DPYD: variants seen among roughly 807,000 people sequenced by gnomAD.
DPYD encodes the protein dihydropyrimidine dehydrogenase, also known as dihydropyrimidine dehydrogenase [NADP(+)].
Under a neutral mutation model 116.2 loss-of-function variants are expected in DPYD, and 109 were observed. That is an observed-to-expected ratio of 0.94 (90% confidence interval 0.80 to 1.10). The LOEUF is 1.10. Among genes scored for constraint, DPYD ranks in the 50% least tolerant of loss-of-function variants. The pLI is 0.00. For missense variants in DPYD, 1,302 were observed against 1,254.5 expected, an observed-to-expected ratio of 1.04 and a Z score of -0.57; for synonymous variants, 440 against 432.0, an observed-to-expected ratio of 1.02 and a Z score of -0.23.
Position 97,497,277 on chromosome 1 carries a change from A to T in DPYD, c.1740+18449T>A, listed in dbSNP as rs370120813. Among the ~76,000 whole-genome samples, 50 of 152,048 alleles carry T rather than the reference A, an allele frequency of 3.3e-4. 1 individual carries two copies. The East Asian group carries it at 7.0e-3, about 21-fold the overall frequency. ...TATTCATTTCTTTGAACTATATATA[A>T]ACAGTAAGAGACTACTCATTGAATA... is the stretch of plus-strand genomic sequence containing the variant. On this transcript the variant is annotated intron_variant, in intron 13 of 22. Transcript: ENST00000370192.
chr1:97,118,597 A>G (rs1358118216), intron 20 of DPYD, among the ~76,000 whole-genome samples: 2 of 152,218 alleles, frequency 1.3e-5, no homozygotes, highest in East Asian at 3.9e-4. Context: ...AGCAGTGCCC[A>G]TTGAAGAGTA....
At chr1:97,846,339 A>AAAT (rs1314823911) in intron 2 of DPYD, among the ~76,000 whole-genome samples, 6 of 152,240 alleles carry the variant, frequency 3.9e-5, no homozygotes, top group African/African-American at 1.4e-4. Context: ...GGAATCTAAT[A>AAAT]AATAAACTGT....
At chr1:97,149,119 G>GTAA in intron 20 of DPYD, among the ~76,000 whole-genome samples, 1 of 152,332 alleles carries the variant, frequency 6.6e-6, no homozygotes, top group Admixed American at 6.5e-5. Context: ...CTAAATGGAT[G>GTAA]TAATATGTGT....
At chr1:97,536,054 T>G (rs1380527638) in intron 12 of DPYD, among the ~76,000 whole-genome samples, 4 of 152,206 alleles carry the variant, frequency 2.6e-5, no homozygotes, top group African/African-American at 9.6e-5. Flanking sequence ...TCTATGACTG[T>G]AAGCAAATTT....
intron 2 of DPYD, among the ~76,000 whole-genome samples, chr1:97,848,134 A>G (rs1028566005): frequency 1.3e-5 from 2 of 152,238 alleles, no homozygotes; most frequent in East Asian, 1.9e-4. Flanking sequence ...GTCTCGCTCT[A>G]TCACCCAGGC....
At chr1:97,587,974 T>C (rs959399400) in intron 10 of DPYD, among the ~76,000 whole-genome samples, 1 of 152,102 alleles carries the variant, frequency 6.6e-6, no homozygotes, top group Non-Finnish European at 1.5e-5. Context: ...TGATCTATTA[T>C]GGGGTATGCT....
chr1:97,562,473 A>G (rs1017241991), intron 11 of DPYD, among the ~76,000 whole-genome samples: 1 of 152,192 alleles, frequency 6.6e-6, no homozygotes, highest in African/African-American at 2.4e-5. Flanking sequence ...AACACTTTAA[A>G]GAGCTTTAGA....
chr1:97,590,010 T>C (rs532587082), intron 10 of DPYD, among the ~76,000 whole-genome samples: 1 of 152,280 alleles, frequency 6.6e-6, no homozygotes, highest in Non-Finnish European at 1.5e-5. Flanking sequence ...GTGCTAGACC[T>C]AACCTTTCAA....
chr1:97,182,078 C>T (rs925773752), intron 20 of DPYD, among the ~76,000 whole-genome samples: 3 of 152,082 alleles, frequency 2.0e-5, no homozygotes, highest in Admixed American at 2.0e-4. Context: ...GTTTCAAGCA[C>T]TCTCTCTTCT....
At chr1:97,134,580 G>A (rs1381237125) in intron 20 of DPYD, among the ~76,000 whole-genome samples, 1 of 152,186 alleles carries the variant, frequency 6.6e-6, no homozygotes, top group Non-Finnish European at 1.5e-5. Flanking sequence ...GTTTGGGGAG[G>A]AAGAGGAGGA....
chr1:97,309,079 G>T (rs1667334771), intron 16 of DPYD, among the ~76,000 whole-genome samples: 1 of 151,734 alleles, frequency 6.6e-6, no homozygotes, highest in Non-Finnish European at 1.5e-5. Context: ...CTAGATTTAA[G>T]AAAAACCCAG....
At chr1:97,832,044 A>ATT (rs1417737572) in intron 2 of DPYD, among the ~76,000 whole-genome samples, 3 of 59,458 alleles carry the variant, frequency 5.0e-5, no homozygotes, top group Non-Finnish European at 1.1e-4. Flanking sequence ...TATATAATGT[A>ATT]TTGTGTGTGT....
At chr1:97,356,158 A>C (rs1670417648) in intron 16 of DPYD, among the ~76,000 whole-genome samples, 1 of 152,068 alleles carries the variant, frequency 6.6e-6, no homozygotes, top group Non-Finnish European at 1.5e-5. Context: ...TGTGGTTTTA[A>C]TTTGCATTTA....
rs116550855 is a variant in DPYD, at chr1:97,455,635, T to G, written c.1741-5412A>C. Among the ~76,000 whole-genome samples, 304 of 152,030 alleles carry G rather than the reference T, an allele frequency of 2.0e-3. 1 individual carries two copies. The highest frequency in any genetic ancestry group is 0.01 in the Middle Eastern group (3 of 292). Reference sequence around the variant, plus strand: ...ATCTAACATACTGATACCCTGTGAATAGCTAAAAGTGAAATAAAATTCAAG... The same window carrying G: ...ATCTAACATACTGATACCCTGTGAAGAGCTAAAAGTGAAATAAAATTCAAG... On this transcript the variant is annotated intron_variant, in intron 13 of 22. Transcript: ENST00000370192.
At chr1:97,770,884 CAAT>C (rs1285553969) in intron 3 of DPYD, among the ~76,000 whole-genome samples, 2 of 151,866 alleles carry the variant, frequency 1.3e-5, no homozygotes, top group South Asian at 2.1e-4. Context: ...CTAAAACAGA[CAAT>C]AATATCATAA....
intron 16 of DPYD, among the ~76,000 whole-genome samples, chr1:97,309,302 T>G (rs144832851): frequency 1.4e-3 from 205 of 151,116 alleles, no homozygotes; most frequent in Non-Finnish European, 2.4e-3. Flanking sequence ...GAACATGATT[T>G]GCAATCTCTG....
intron 1 of DPYD, among the ~76,000 whole-genome samples, chr1:97,894,405 A>G (rs1372776136): frequency 1.3e-5 from 2 of 151,820 alleles, no homozygotes; most frequent in Admixed American, 1.3e-4. Context: ...ACAGACAAGG[A>G]AAGGATTCCA....
intron 3 of DPYD, among the ~76,000 whole-genome samples, chr1:97,787,334 T>C (rs771312396): frequency 1.3e-5 from 2 of 152,162 alleles, no homozygotes; most frequent in African/African-American, 2.4e-5. Flanking sequence ...AAATAGATCA[T>C]AATGAAAACA....
intron 3 of DPYD, among the ~76,000 whole-genome samples, chr1:97,766,993 C>G (rs1665892362): frequency 6.6e-6 from 1 of 152,080 alleles, no homozygotes; most frequent in Non-Finnish European, 1.5e-5. Flanking sequence ...GAAGTTACTC[C>G]CAAGGAGCAA....
Sources: gnomAD v4.1 joint callset for allele counts (sites outside exome capture counted in the v4.1 genomes callset) on GRCh38, gnomAD v4.1.1 for gene constraint, MANE v1.5 for transcripts, NCBI Gene and HGNC (gene_info 2026-07-23, HGNC 2026-07-21) for gene names.